Variants in GLI3 observed in about 807,000 individuals in gnomAD.
GLI3 encodes the protein GLI family zinc finger 3.
In GLI3, 20 loss-of-function variants were observed where a neutral mutation model predicts 100.8. The ratio of observed to expected loss-of-function variants is 0.20; its 90% CI spans 0.14 to 0.29. GLI3 has a LOEUF of 0.29. GLI3 is among the 10% of genes least tolerant of loss of function. The pLI, the probability that GLI3 is intolerant of heterozygous loss-of-function variation, is 1.00. For missense variants in GLI3, 2,040 were observed against 2,128.5 expected (o/e 0.96, Z 0.82); for synonymous variants, 938 against 860.5 (o/e 1.09, Z -1.58).
chr7:42,246,803 A>ATGTTTTTTTTTTTT (rs1198985258), intron 1 of GLI3, among the ~76,000 whole-genome samples: 1 of 63,380 alleles, frequency 1.6e-5, no homozygotes, highest in African/African-American at 5.8e-5. Context: ...GGATGATAGA[A>ATGTTTTTTTTTTTT]TCTTTTTTTT....
At chr7:42,140,927 G>GGGAA (rs991705909) in intron 3 of GLI3, among the ~76,000 whole-genome samples, 3 of 152,170 alleles carry the variant, frequency 2.0e-5, no homozygotes, top group African/African-American at 7.2e-5. Context: ...TACTCTAGGA[G>GGGAA]GGAAGGAAGG....
At chr7:41,991,564 T>C (rs1036821111) in intron 10 of GLI3, among the ~76,000 whole-genome samples, 5 of 152,238 alleles carry the variant, frequency 3.3e-5, no homozygotes, top group African/African-American at 9.6e-5. Flanking sequence ...CTTTAGCTTA[T>C]TAGTAGAAGG....
intron 4 of GLI3, among the ~76,000 whole-genome samples, chr7:42,065,893 G>T (rs1784664355): frequency 6.6e-6 from 1 of 152,284 alleles, no homozygotes; most frequent in South Asian, 2.1e-4. Flanking sequence ...GAGTAGCCAT[G>T]TTATTAAACT....
At chr7:42,261,989 TTTCTTTCTTTC>T (rs1237043204) in intron 1 of GLI3, among the ~76,000 whole-genome samples, 1 of 146,796 alleles carries the variant, frequency 6.8e-6, no homozygotes, top group Non-Finnish European at 1.5e-5. Flanking sequence ...TCTTTCTTTC[TTTCTTTCTTTC>T]TTTTCTTTCT....
chr7:42,118,811 T>TAAG (rs1175991540), intron 3 of GLI3, among the ~76,000 whole-genome samples: 1 of 152,182 alleles, frequency 6.6e-6, no homozygotes, highest in Non-Finnish European at 1.5e-5. Flanking sequence ...CACCACTGTT[T>TAAG]AAGAGCTCCT....
chr7:41,988,615 T>C (rs1038735499), intron 10 of GLI3, among the ~76,000 whole-genome samples: 1 of 152,082 alleles, frequency 6.6e-6, no homozygotes, highest in African/African-American at 2.4e-5. Flanking sequence ...CTATAAGGCA[T>C]AGAATGAGCC....
intron 2 of GLI3, chr7:42,152,403 G>A: frequency 1.0e-6 from 1 of 985,406 alleles, no homozygotes; most frequent in Non-Finnish European, 1.2e-6. Flanking sequence ...TTCTCTTGGT[G>A]AGCTCTCTCT....
intron 3 of GLI3, among the ~76,000 whole-genome samples, chr7:42,084,208 C>T (rs576715278): frequency 6.6e-6 from 1 of 152,336 alleles, no homozygotes; most frequent in East Asian, 1.9e-4. Context: ...CACAATTCAT[C>T]CTTTTTTTTA....
chr7:42,262,032 T>C (rs199510970), intron 1 of GLI3, among the ~76,000 whole-genome samples: 27 of 56,060 alleles, frequency 4.8e-4, no homozygotes, highest in African/African-American at 7.2e-4. Flanking sequence ...CTCTCTCTCT[T>C]TCTTTCTTTC....
intron 3 of GLI3, among the ~76,000 whole-genome samples, chr7:42,111,011 A>G (rs968165384): frequency 6.6e-6 from 1 of 152,190 alleles, no homozygotes; most frequent in Non-Finnish European, 1.5e-5. Context: ...AGAGATGCAA[A>G]CTCTGGAAGG....
intron 9 of GLI3, among the ~76,000 whole-genome samples, chr7:42,024,137 C>T (rs1789030765): frequency 6.6e-6 from 1 of 152,148 alleles, no homozygotes; most frequent in African/African-American, 2.4e-5. Flanking sequence ...GTGTGAGACA[C>T]TTTTGTAGAC....
chr7:42,055,065 G>GTATACATATATATGTATATATACATA lies in GLI3; in HGVS notation c.474-6395_474-6370dup, dbSNP rs1398550063. 3.8e-3 allele frequency among the ~76,000 whole-genome samples: 310 copies of GTATACATATATATGTATATATACATA among 80,548 alleles called. 1 individual carries two copies. Among genetic ancestry groups the GTATACATATATATGTATATATACATA allele is most frequent in the East Asian group, 9.7e-3 (34 of 3,514 alleles). The allele number at this position is 80,548 out of a possible 152,430, so 52.8% of individuals were successfully genotyped here. A position where few individuals can be genotyped will look rare whatever the true frequency, so the allele number is the denominator to read the frequency against. Reference sequence around the variant, plus strand: ...CATATATATATACACACACATATATGTATACATATATATGTATATATACAT... The same window carrying GTATACATATATATGTATATATACATA: ...CATATATATATACACACACATATATGTATACATATATATGTATATATACATATATACATATATATGTATATATACAT... On this transcript the variant is annotated intron_variant, in intron 4 of 14. Coordinates refer to ENST00000395925, the MANE Select transcript of GLI3 (RefSeq NM_000168.6).
At chr7:41,967,212 T>G (rs1466875205) in intron 14 of GLI3, among the ~76,000 whole-genome samples, 1 of 152,210 alleles carries the variant, frequency 6.6e-6, no homozygotes, top group Non-Finnish European at 1.5e-5. Flanking sequence ...GGGGAGGGAT[T>G]TCTGACTTTC....
At chr7:42,254,287 T>G (rs375860882) in intron 1 of GLI3, among the ~76,000 whole-genome samples, 6 of 149,946 alleles carry the variant, frequency 4.0e-5, no homozygotes, top group African/African-American at 1.2e-4. Context: ...AAAACCAAGA[T>G]GACCTAGTTC....
chr7:41,978,723 C>T lies in GLI3; in HGVS notation c.1523G>A (p.Gly508Glu). The T allele has an allele frequency of 6.2e-7, 1 of 1,613,980 alleles. No homozygotes were observed. Among genetic ancestry groups the T allele is most frequent in the Non-Finnish European group, 8.5e-7 (1 of 1,179,868 alleles). The change falls in exon 11 of 15, where the codon GGA becomes GAA. Residue 508 changes from glycine (G) to glutamate (E), a missense_variant. This residue lies in a region of GLI3 where 603 missense variants were observed against 690.9 expected (regional missense o/e 0.87). Coordinates refer to ENST00000395925, the MANE Select transcript of GLI3 (RefSeq NM_000168.6). ...VHHINNDHIH[G>E]EKKEFVCRWL... ...CCTGCACACGAACTCCTTCTTCTCT[C>T]CATGAATATGGTCGTTATTTATATG...
intron 2 of GLI3, among the ~76,000 whole-genome samples, chr7:42,154,721 C>T (rs1786959414): frequency 6.6e-6 from 1 of 152,180 alleles, no homozygotes; most frequent in Admixed American, 6.5e-5. Flanking sequence ...AATAAAGTTC[C>T]TGTAGTTTTA....
intron 2 of GLI3, among the ~76,000 whole-genome samples, chr7:42,195,984 T>C (rs550159118): frequency 6.6e-6 from 1 of 152,314 alleles, no homozygotes; most frequent in East Asian, 1.9e-4. Context: ...ATGACTTTGT[T>C]GCCAAGTTGT....
chr7:42,182,372 T>C (rs996258726), intron 2 of GLI3, among the ~76,000 whole-genome samples: 4 of 151,944 alleles, frequency 2.6e-5, no homozygotes, highest in African/African-American at 9.7e-5. Context: ...CTACTTTTCC[T>C]TTCTTCTTTT....
intron 13 of GLI3, among the ~76,000 whole-genome samples, chr7:41,970,319 G>C (rs1452481187): frequency 1.3e-5 from 2 of 152,108 alleles, no homozygotes; most frequent in African/African-American, 2.4e-5. Context: ...TAAATTTCAT[G>C]TTTATTAGTA....
Sources: allele counts gnomAD v4.1 joint callset (sites outside exome capture counted in the v4.1 genomes callset), GRCh38; gene constraint gnomAD v4.1.1; regional missense constraint gnomAD v4.1.1; transcripts MANE v1.5; gene names NCBI Gene and HGNC (gene_info 2026-07-23, HGNC 2026-07-21).